The following PDE10A variants were observed in gnomAD, a reference collection of about 807,000 sequenced individuals.
PDE10A encodes phosphodiesterase 10A.
A neutral mutation model predicts 97.7 loss-of-function variants in PDE10A; 39 were observed. That is an observed-to-expected ratio of 0.40 (90% confidence interval 0.31 to 0.52). The LOEUF (loss-of-function observed/expected upper bound fraction) is 0.52, where lower values mean the gene tolerates loss of function less well. Ranked by LOEUF, PDE10A falls within the 20% of genes least tolerant of loss-of-function variation. The pLI is 0.56. For missense variants in PDE10A, 731 were observed against 1,047.8 expected, an observed-to-expected ratio of 0.70 and a Z score of 4.17; for synonymous variants, 371 against 376.8, an observed-to-expected ratio of 0.98 and a Z score of 0.18.
chr6:165,629,209 C>A, intron 1 of PDE10A, among the ~76,000 whole-genome samples: 1 of 152,072 alleles, frequency 6.6e-6, no homozygotes, highest in East Asian at 1.9e-4. Flanking sequence ...CAGCAGCGAG[C>A]TCAGAGGGAT....
At chr6:165,465,372 T>C (rs973429351) in intron 3 of PDE10A, among the ~76,000 whole-genome samples, 2 of 152,176 alleles carry the variant, frequency 1.3e-5, no homozygotes, top group African/African-American at 4.8e-5. Flanking sequence ...GGCCAGTAGA[T>C]ATTCACCCTG....
chr6:165,535,564 C>G (rs993903947), intron 2 of PDE10A, among the ~76,000 whole-genome samples: 1 of 151,564 alleles, frequency 6.6e-6, no homozygotes, highest in African/African-American at 2.4e-5. Flanking sequence ...TCATTATTTT[C>G]CATGGCTGAG....
At chr6:165,741,508 T>G (rs534993170) in intron 1 of PDE10A, among the ~76,000 whole-genome samples, 1 of 152,300 alleles carries the variant, frequency 6.6e-6, no homozygotes, top group Non-Finnish European at 1.5e-5. Context: ...AAGTTTAAAT[T>G]ATACAATTAA....
intron 10 of PDE10A, among the ~76,000 whole-genome samples, chr6:165,422,274 C>CAT (rs1788749869): frequency 6.6e-6 from 1 of 151,288 alleles, no homozygotes. Flanking sequence ...CACACATACG[C>CAT]ATACACACAC....
chr6:165,513,025 A>T (rs570085803), intron 2 of PDE10A, among the ~76,000 whole-genome samples: 33 of 152,102 alleles, frequency 2.2e-4, no homozygotes, highest in Non-Finnish European at 1.5e-5. Flanking sequence ...TTTGTTTAAG[A>T]ATCCTTTATA....
intron 1 of PDE10A, among the ~76,000 whole-genome samples, chr6:165,599,745 G>A (rs1786822915): frequency 6.6e-6 from 1 of 152,112 alleles, no homozygotes; most frequent in African/African-American, 2.4e-5. Flanking sequence ...TCAACTGCTG[G>A]GTCACAGGCA....
chr6:165,355,284 T>C (rs1360247786), intron 18 of PDE10A, among the ~76,000 whole-genome samples: 6 of 152,294 alleles, frequency 3.9e-5, no homozygotes, highest in African/African-American at 1.2e-4. Context: ...TGAAAATATA[T>C]GCAGTCTGTA....
At chr6:165,618,025 C>T (rs1787807506) in intron 1 of PDE10A, among the ~76,000 whole-genome samples, 2 of 152,136 alleles carry the variant, frequency 1.3e-5, no homozygotes, top group Admixed American at 6.5e-5. Context: ...AGCAAGACTC[C>T]ATCTCTAAAA....
intron 1 of PDE10A, among the ~76,000 whole-genome samples, chr6:165,561,523 G>A (rs183754063): frequency 6.6e-6 from 1 of 152,224 alleles, no homozygotes; most frequent in East Asian, 1.9e-4. Context: ...ATCAGAAAAG[G>A]GAAATAATAA....
chr6:165,810,718 C>T (rs1400927896), intron 1 of PDE10A, among the ~76,000 whole-genome samples: 3 of 152,202 alleles, frequency 2.0e-5, no homozygotes, highest in South Asian at 4.2e-4. Context: ...GTGTTCTGCT[C>T]GCTCAGTCTC....
chr6:165,545,940 T>G (rs775311522), intron 1 of PDE10A, among the ~76,000 whole-genome samples: 12 of 152,068 alleles, frequency 7.9e-5, no homozygotes, highest in East Asian at 7.7e-4. Context: ...TGAAGACTTA[T>G]GTCCACACAA....
In PDE10A at chr6:165,919,302, C is replaced by A. The variant is rs1005003517; in HGVS notation, c.-615+68227G>T. Among the ~76,000 whole-genome samples the A allele has an allele frequency of 2.0e-5, 3 of 152,122 alleles. No individual in the cohort carries two copies. The South Asian group carries it at 6.2e-4, about 32-fold the overall frequency. On this transcript the variant is annotated intron_variant, in intron 1 of 19. Transcript: ENST00000366882. ...GGGCGCTCTGTGTGACCTCACTGGG[C>A]CCACCACATGGGGACTGGGTATGAA...
intron 13 of PDE10A, among the ~76,000 whole-genome samples, chr6:165,396,810 T>C (rs1443437687): frequency 6.6e-6 from 1 of 152,194 alleles, no homozygotes; most frequent in Non-Finnish European, 1.5e-5. Flanking sequence ...ATTTGTACTT[T>C]TAAAGATCAT....
At chr6:165,862,862 TA>T (rs1164332552) in intron 1 of PDE10A, among the ~76,000 whole-genome samples, 1 of 152,152 alleles carries the variant, frequency 6.6e-6, no homozygotes, top group East Asian at 1.9e-4. Context: ...GTATTTTTAG[TA>T]CAGATGGGAT....
intron 1 of PDE10A, among the ~76,000 whole-genome samples, chr6:165,746,409 G>A (rs558900975): frequency 8.5e-5 from 13 of 152,312 alleles, no homozygotes. Flanking sequence ...GAACAAGCTG[G>A]TCAAAGTCTC....
Position 165,433,124 on chromosome 6 carries a change from T to C in PDE10A, c.1341A>G (p.Glu447=). ...TLLVEDILGD[E]RFPRGTGLES... ...CCAGTCCAGTACCTCTTGGAAATCG[T>C]TCATCCTGAAAAACAAAAAGACAAA... Residue 447 remains glutamate (E), a synonymous_variant, in exon 7 of 22, where the codon GAA becomes GAG. Coordinates refer to ENST00000539869, the MANE Select transcript of PDE10A (RefSeq NM_001385079.1). 1 of 1,606,124 alleles carries C rather than the reference T, an allele frequency of 6.2e-7. No individual in the cohort carries two copies. Among genetic ancestry groups the C allele is most frequent in the Non-Finnish European group, 8.5e-7 (1 of 1,175,614 alleles).
At chr6:165,349,974 G>A (rs1180245103) in intron 18 of PDE10A, among the ~76,000 whole-genome samples, 2 of 152,222 alleles carry the variant, frequency 1.3e-5, no homozygotes, top group Non-Finnish European at 2.9e-5. Context: ...TTTGCTGCAG[G>A]GCCAGAGCCC....
rs1263273748 is a variant in PDE10A at position 165,450,333 on chromosome 6, T to C, written c.1053A>G (p.Val351=). The C allele has an allele frequency of 3.2e-6, 5 of 1,563,256 alleles. No homozygotes were observed. Among genetic ancestry groups the C allele is most frequent in the Admixed American group, 3.4e-5 (2 of 58,824 alleles). The stretch of plus-strand genomic sequence containing the variant: ...GTTCTATATAGCTGTTTAGTTCATA[T>C]ACAACTCCCTGCATATTCGTATCTT... ...RYQDTNMQGV[V]YELNSYIEQR... is the part of the protein sequence containing the mutation. Residue 351 remains valine (V), a synonymous_variant, in exon 4 of 22, where the codon GTA becomes GTG. Coordinates refer to ENST00000539869, the MANE Select transcript of PDE10A (RefSeq NM_001385079.1).
chr6:165,914,768 C>T (rs914870392), intron 1 of PDE10A, among the ~76,000 whole-genome samples: 4 of 152,164 alleles, frequency 2.6e-5, no homozygotes, highest in Non-Finnish European at 4.4e-5. Context: ...TAAATGGTGT[C>T]ACACACGGGC....
Sources: gnomAD v4.1 joint callset for allele counts (sites outside exome capture counted in the v4.1 genomes callset) on GRCh38, gnomAD v4.1.1 for gene constraint, MANE v1.5 for transcripts, NCBI Gene and HGNC (gene_info 2026-07-23, HGNC 2026-07-21) for gene names.